The following TDRD3 variants were observed in gnomAD, a reference collection of about 807,000 sequenced individuals.
TDRD3 encodes the protein tudor domain-containing protein 3.
A neutral mutation model predicts 86.7 loss-of-function variants in TDRD3; 45 were observed. The ratio of observed to expected loss-of-function variants is 0.52; its 90% CI spans 0.41 to 0.67. The LOEUF is 0.67. Ranked by LOEUF, TDRD3 falls within the 30% of genes least tolerant of loss-of-function variation. The probability of loss-of-function intolerance (pLI) is 0.00; values close to 1 mark genes in which losing one functional copy is unlikely to be tolerated. For synonymous variants in TDRD3, 298 were observed against 301.7 expected (o/e 0.99, Z 0.13); for missense variants, 814 against 889.0 (o/e 0.92, Z 1.07).
intron 11 of TDRD3, among the ~76,000 whole-genome samples, chr13:60,533,973 A>G (rs1957642153): frequency 6.6e-6 from 1 of 152,236 alleles, no homozygotes; most frequent in Non-Finnish European, 1.5e-5. Flanking sequence ...AGATTACTGC[A>G]ATCAGATGAC....
intron 12 of TDRD3, among the ~76,000 whole-genome samples, chr13:60,565,637 C>T (rs760874207): frequency 1.3e-3 from 205 of 151,936 alleles, no homozygotes; most frequent in Non-Finnish European, 2.4e-3. Flanking sequence ...TTTAGATGTT[C>T]TCCAGCCAAT....
chr13:60,439,080 A>G (rs1029435544), intron 1 of TDRD3, among the ~76,000 whole-genome samples: 3 of 152,162 alleles, frequency 2.0e-5, no homozygotes, highest in Non-Finnish European at 4.4e-5. Context: ...GGACTGGATA[A>G]AAGAAAAAAG....
chr13:60,475,207 C>T (rs906123788), intron 5 of TDRD3, among the ~76,000 whole-genome samples: 4 of 151,878 alleles, frequency 2.6e-5, no homozygotes, highest in South Asian at 4.2e-4. Context: ...AGCATAGTAC[C>T]CTATAGGTAG....
chr13:60,502,625 A>G (rs765826522), intron 8 of TDRD3, among the ~76,000 whole-genome samples: 5 of 152,140 alleles, frequency 3.3e-5, no homozygotes, highest in Non-Finnish European at 7.4e-5. Flanking sequence ...TGTATCTTCA[A>G]ATACCTGTGA....
intron 1 of TDRD3, among the ~76,000 whole-genome samples, chr13:60,397,681 G>C (rs1365103559): frequency 6.7e-6 from 1 of 148,684 alleles, no homozygotes; most frequent in Admixed American, 6.7e-5. Flanking sequence ...GAGAGGCCGG[G>C]GGCCGCGAGC....
intron 12 of TDRD3, among the ~76,000 whole-genome samples, chr13:60,565,129 C>T (rs966708162): frequency 7.4e-6 from 1 of 135,676 alleles, no homozygotes; most frequent in South Asian, 2.4e-4. Flanking sequence ...TGTCTGGGCT[C>T]ACTGCAAGCT....
chr13:60,397,408 A>G lies in TDRD3; in HGVS notation c.41+3A>G. On this transcript the variant is annotated splice_donor_region_variant and intron_variant, in intron 1 of 13. Coordinates refer to ENST00000377881, the MANE Select transcript of TDRD3 (RefSeq NM_001146070.2). ...GCGGCGTTGTCCCAGGCGGGTTGGT[A>G]AGTGGCGAGTCCCGCCGGCTGCCGG... 2 of 1,495,654 alleles carry G rather than the reference A, an allele frequency of 1.3e-6. No individual in the cohort carries two copies. Among genetic ancestry groups the G allele is most frequent in the Non-Finnish European group, 1.8e-6 (2 of 1,124,490 alleles). 92.6% of individuals were successfully genotyped at this position (1,495,654 alleles called of 1,614,324 possible). A position where few individuals can be genotyped will look rare whatever the true frequency, so the allele number is the denominator to read the frequency against.
At chr13:60,551,654 A>G (rs547746138) in intron 12 of TDRD3, among the ~76,000 whole-genome samples, 1 of 152,046 alleles carries the variant, frequency 6.6e-6, no homozygotes, top group Admixed American at 6.6e-5. Flanking sequence ...TTCTGTTTCA[A>G]TGTGTATTAG....
intron 2 of TDRD3, among the ~76,000 whole-genome samples, chr13:60,443,028 T>G (rs2137973879): frequency 6.6e-6 from 1 of 152,170 alleles, no homozygotes; most frequent in East Asian, 1.9e-4. Context: ...TATTTCAGCT[T>G]TTGGGTGACT....
At chr13:60,466,310 A>C (rs947112291) in intron 4 of TDRD3, among the ~76,000 whole-genome samples, 3 of 152,232 alleles carry the variant, frequency 2.0e-5, no homozygotes, top group Non-Finnish European at 4.4e-5. Flanking sequence ...TTCTGTGCAC[A>C]GCTAAAGCTC....
intron 12 of TDRD3, among the ~76,000 whole-genome samples, chr13:60,552,887 G>T (rs1395734120): frequency 6.6e-6 from 1 of 152,218 alleles, no homozygotes; most frequent in Non-Finnish European, 1.5e-5. Flanking sequence ...AGCTGGGGTG[G>T]CTGGGATACA....
intron 1 of TDRD3, among the ~76,000 whole-genome samples, chr13:60,419,868 A>C (rs1375194143): frequency 2.6e-5 from 4 of 152,164 alleles, no homozygotes; most frequent in Non-Finnish European, 5.9e-5. Context: ...AATATGGTAA[A>C]ATGCTAATAT....
At chr13:60,543,178 TA>T (rs1420904429) in intron 12 of TDRD3, among the ~76,000 whole-genome samples, 1 of 152,228 alleles carries the variant, frequency 6.6e-6, no homozygotes, top group African/African-American at 2.4e-5. Flanking sequence ...AAAACTCATA[TA>T]GTTTAATAAG....
At chr13:60,480,065 A>G (rs1956277823) in intron 5 of TDRD3, among the ~76,000 whole-genome samples, 2 of 152,214 alleles carry the variant, frequency 1.3e-5, no homozygotes, top group African/African-American at 4.8e-5. Flanking sequence ...TGTTATGTAG[A>G]CATGATTGCA....
intron 1 of TDRD3, among the ~76,000 whole-genome samples, chr13:60,429,336 A>T (rs547665057): frequency 6.6e-6 from 1 of 152,172 alleles, no homozygotes; most frequent in Non-Finnish European, 1.5e-5. Context: ...TTAACTGCCT[A>T]TGATAATTGA....
intron 6 of TDRD3, chr13:60,484,674 A>ATT (rs760634733): frequency 4.7e-4 from 182 of 386,822 alleles, no homozygotes; most frequent in Admixed American, 8.3e-4. Flanking sequence ...AATAATGTTG[A>ATT]TTTTTTTTTT....
chr13:60,550,698 G>A (rs530880521), intron 12 of TDRD3, among the ~76,000 whole-genome samples: 1 of 152,170 alleles, frequency 6.6e-6, no homozygotes, highest in East Asian at 1.9e-4. Flanking sequence ...CCAGTTAAGA[G>A]CTAGTTTCGC....
chr13:60,534,859 C>T (rs1020525676), intron 11 of TDRD3, among the ~76,000 whole-genome samples: 9 of 139,298 alleles, frequency 6.5e-5, no homozygotes, highest in African/African-American at 2.2e-4. Context: ...GCTGGGGAGG[C>T]GGAGGTTGCA....
intron 1 of TDRD3, chr13:60,433,919 C>T (rs376523692): frequency 6.6e-6 from 1 of 152,284 alleles, no homozygotes; most frequent in East Asian, 1.9e-4. Flanking sequence ...CCTCTTCTTT[C>T]CTTACTGATG....
Sources: gnomAD v4.1 joint callset for allele counts (sites outside exome capture counted in the v4.1 genomes callset) on GRCh38, gnomAD v4.1.1 for gene constraint, MANE v1.5 for transcripts, NCBI Gene and HGNC (gene_info 2026-07-23, HGNC 2026-07-21) for gene names.